ESRRG: variants seen among roughly 807,000 people sequenced by gnomAD.
The protein encoded by ESRRG is estrogen related receptor gamma.
In ESRRG, 13 loss-of-function variants were observed where a neutral mutation model predicts 44.0. The ratio of observed to expected loss-of-function variants is 0.30; its 90% confidence interval spans 0.19 to 0.47. The LOEUF is 0.47. Ranked by LOEUF, ESRRG falls within the 20% of genes least tolerant of loss-of-function variation. ESRRG has a pLI of 1.00. For synonymous variants in ESRRG, 215 were observed against 214.6 expected, an observed-to-expected ratio of 1.00 and a Z score of -0.02; for missense variants, 395 against 580.6, an observed-to-expected ratio of 0.68 and a Z score of 3.29.
intron 1 of ESRRG, among the ~76,000 whole-genome samples, chr1:217,123,906 C>T (rs2092857222): frequency 6.6e-6 from 1 of 151,586 alleles, no homozygotes; most frequent in African/African-American, 2.4e-5. Context: ...TACCCCAGAG[C>T]TTAAAAAAGT....
intron 2 of ESRRG, among the ~76,000 whole-genome samples, chr1:216,826,192 A>G (rs1238702142): frequency 6.7e-6 from 1 of 148,968 alleles, no homozygotes; most frequent in Non-Finnish European, 1.5e-5. Flanking sequence ...TAAGGACAAA[A>G]AAAAAAAAAA....
At chr1:216,833,138 C>A (rs189424733) in intron 2 of ESRRG, among the ~76,000 whole-genome samples, 1 of 151,934 alleles carries the variant, frequency 6.6e-6, no homozygotes, top group Non-Finnish European at 1.5e-5. Flanking sequence ...GCAGAGTCAG[C>A]GTGTCAGGAT....
rs527420742 is a variant in ESRRG at position 216,691,245 on chromosome 1, G to A, written c.57-13754C>T. ...AAGTAGAAATAAGAAAAAGAGGATA[G>A]TCATTTGATTTTTTAAAATATGGTT... On this transcript the variant is annotated intron_variant, in intron 1 of 6. Transcript: ENST00000408911. 2.8e-4 allele frequency among the ~76,000 whole-genome samples: 42 copies of A among 152,226 alleles called. No individual in the cohort carries two copies. The Middle Eastern group carries it at 0.01, about 37-fold the overall frequency.
intron 2 of ESRRG, among the ~76,000 whole-genome samples, chr1:216,795,342 C>CTTTTTTTTT (rs35142972): frequency 4.7e-5 from 5 of 105,440 alleles, no homozygotes; most frequent in Non-Finnish European, 9.1e-5. Context: ...TTTTCTTTTT[C>CTTTTTTTTT]TTTTTTTTTT....
At chr1:216,987,168 TA>T (rs2075009576) in intron 1 of ESRRG, among the ~76,000 whole-genome samples, 1 of 152,250 alleles carries the variant, frequency 6.6e-6, no homozygotes, top group Non-Finnish European at 1.5e-5. Context: ...TTGTTACATT[TA>T]AAATTTGTCA....
intron 5 of ESRRG, among the ~76,000 whole-genome samples, chr1:216,530,384 C>T (rs2049016111): frequency 6.6e-6 from 1 of 152,034 alleles, no homozygotes; most frequent in African/African-American, 2.4e-5. Flanking sequence ...GAGAAGTGCT[C>T]ACTGGACCCC....
chr1:216,746,967 T>TGTTGAA (rs1208747015), intron 2 of ESRRG, among the ~76,000 whole-genome samples: 9 of 152,168 alleles, frequency 5.9e-5, no homozygotes, highest in Non-Finnish European at 1.3e-4. Flanking sequence ...CCTTAGATTA[T>TGTTGAA]TATCAGTAAT....
At chr1:217,134,472 T>G (rs1326603445) in intron 1 of ESRRG, among the ~76,000 whole-genome samples, 1 of 152,172 alleles carries the variant, frequency 6.6e-6, no homozygotes, top group Non-Finnish European at 1.5e-5. Flanking sequence ...CACTTACTTG[T>G]TCTTAATTCC....
At chr1:216,852,008 GA>G (rs781782275) in intron 2 of ESRRG, among the ~76,000 whole-genome samples, 2 of 152,136 alleles carry the variant, frequency 1.3e-5, no homozygotes, top group Admixed American at 6.5e-5. Context: ...CAGTAAGAAA[GA>G]AAAGCAATAT....
Position 216,506,840 on chromosome 1 carries a change from T to C in ESRRG, c.*99A>G, listed in dbSNP as rs1448172456. ...AATTATCAGTGCAGTCTGTTGATTT[T>C]TGATGTTGTTAACTAAACTCTAAGT... On this transcript the variant is annotated 3_prime_UTR_variant, in exon 7 of 7. Coordinates refer to ENST00000408911, the MANE Select transcript of ESRRG (RefSeq NM_001438.4). 2.2e-6 allele frequency: 3 copies of C among 1,360,682 alleles called. No individual in the cohort carries two copies. The highest frequency in any genetic ancestry group is 3.0e-6 in the Non-Finnish European group (3 of 990,014). The allele number at this position is 1,360,682 out of a possible 1,614,324, so 84.3% of individuals were successfully genotyped here.
chr1:216,605,058 G>C (rs2059745509), intron 3 of ESRRG, among the ~76,000 whole-genome samples: 1 of 152,184 alleles, frequency 6.6e-6, no homozygotes, highest in Non-Finnish European at 1.5e-5. Context: ...GGCTGTGACT[G>C]TAAAGAAACA....
upstream of ESRRG, among the ~76,000 whole-genome samples, chr1:216,728,139 C>T (rs1186311905): frequency 6.6e-6 from 1 of 152,156 alleles, no homozygotes; most frequent in Non-Finnish European, 1.5e-5. Flanking sequence ...ATCCTACAAG[C>T]TTTCTATAAT....
intron 2 of ESRRG, among the ~76,000 whole-genome samples, chr1:216,846,156 G>C (rs1357905744): frequency 6.6e-6 from 1 of 151,860 alleles, no homozygotes; most frequent in Non-Finnish European, 1.5e-5. Flanking sequence ...TCTTCTCTTT[G>C]GACATCTTTA....
At chr1:216,942,822 A>C (rs925431188) in intron 1 of ESRRG, among the ~76,000 whole-genome samples, 1 of 152,006 alleles carries the variant, frequency 6.6e-6, no homozygotes, top group African/African-American at 2.4e-5. Context: ...AGTCCTTTGT[A>C]GTATGCATAG....
At position 217,101,514 on chromosome 1, in the gene ESRRG, G is replaced by A. The variant is rs7521370; in HGVS notation, c.-230+36153C>T. Among the ~76,000 whole-genome samples, 346 of 152,280 alleles carry A rather than the reference G, an allele frequency of 2.3e-3. 2 individuals carry two copies. Among genetic ancestry groups the A allele is most frequent in the African/African-American group, 7.9e-3 (327 of 41,556 alleles). Reference sequence around the variant, plus strand: ...GCCCATCAGCATTTCAAACTGATAAGATAGAAAATTGAATTAATTATTGGC... The same window carrying A: ...GCCCATCAGCATTTCAAACTGATAAAATAGAAAATTGAATTAATTATTGGC... On this transcript the variant is annotated intron_variant, in intron 1 of 8. Transcript: ENST00000366940.
chr1:216,878,559 C>T (rs535931072), intron 2 of ESRRG, among the ~76,000 whole-genome samples: 42 of 152,292 alleles, frequency 2.8e-4, no homozygotes, highest in African/African-American at 1.0e-3. Context: ...CTCTATAATA[C>T]ATCTGGAGAT....
At chr1:216,877,746 A>G (rs1022771083) in intron 2 of ESRRG, among the ~76,000 whole-genome samples, 1 of 152,060 alleles carries the variant, frequency 6.6e-6, no homozygotes, top group African/African-American at 2.4e-5. Context: ...TAATATATGT[A>G]AATGGTATTG....
chr1:216,596,610 A>G (rs2058484405), intron 3 of ESRRG, among the ~76,000 whole-genome samples: 1 of 152,122 alleles, frequency 6.6e-6, no homozygotes, highest in Admixed American at 6.6e-5. Context: ...ATTTGCATTC[A>G]CTTTGGCCAA....
intron 5 of ESRRG, among the ~76,000 whole-genome samples, chr1:216,557,274 T>C (rs566366822): frequency 2.0e-5 from 3 of 152,294 alleles, no homozygotes; most frequent in Non-Finnish European, 4.4e-5. Flanking sequence ...TTTTAATGTA[T>C]AGATAAGATT....
Sources: gnomAD v4.1 joint callset for allele counts (sites outside exome capture counted in the v4.1 genomes callset) on GRCh38, gnomAD v4.1.1 for gene constraint, MANE v1.5 for transcripts, NCBI Gene and HGNC (gene_info 2026-07-23, HGNC 2026-07-21) for gene names.